Variants in CFAP221 observed in about 807,000 individuals in gnomAD.
The protein encoded by CFAP221 is cilia and flagella associated protein 221, also known as cilia- and flagella-associated protein 221.
CFAP221 carries 97 observed loss-of-function variants against 113.1 expected under a neutral mutation model. The ratio of observed to expected loss-of-function variants is 0.86; its 90% CI spans 0.73 to 1.02. CFAP221 has a LOEUF of 1.02. Among genes scored for constraint, CFAP221 ranks in the 50% least tolerant of loss-of-function variants. The pLI, the probability that CFAP221 is intolerant of heterozygous loss-of-function variation, is 0.00. For missense variants in CFAP221, 1,025 were observed against 1,013.4 expected, an observed-to-expected ratio of 1.01 and a Z score of -0.16; for synonymous variants, 331 against 354.4, an observed-to-expected ratio of 0.93 and a Z score of 0.74.
chr2:119,620,822 A>T (rs1387781561), intron 14 of CFAP221, among the ~76,000 whole-genome samples: 1 of 152,162 alleles, frequency 6.6e-6, no homozygotes, highest in East Asian at 1.9e-4. Flanking sequence ...GTCAAGACCC[A>T]TCAGTGTGGC....
chr2:119,584,067 T>C (rs1472388587), intron 6 of CFAP221, among the ~76,000 whole-genome samples: 2 of 152,198 alleles, frequency 1.3e-5, no homozygotes, highest in Admixed American at 1.3e-4. Flanking sequence ...GAGACACTTA[T>C]AAAATTTGAT....
At chr2:119,595,901 A>C (rs1449818144) in intron 7 of CFAP221, among the ~76,000 whole-genome samples, 1 of 151,836 alleles carries the variant, frequency 6.6e-6, no homozygotes, top group Non-Finnish European at 1.5e-5. Flanking sequence ...AGAGGAAGCA[A>C]CCCACACAGG....
intron 6 of CFAP221, among the ~76,000 whole-genome samples, chr2:119,585,583 G>T (rs560165736): frequency 6.6e-6 from 1 of 152,016 alleles, no homozygotes; most frequent in Non-Finnish European, 1.5e-5. Flanking sequence ...TAAAGGGGTC[G>T]TTATTTTATT....
At chr2:119,628,291 G>GT (rs1558976717) in intron 16 of CFAP221, among the ~76,000 whole-genome samples, 58 of 13,660 alleles carry the variant, frequency 4.2e-3, no homozygotes, top group African/African-American at 5.8e-3. Flanking sequence ...TCTCTCTCTG[G>GT]GGGGTGTGTG....
intron 19 of CFAP221, among the ~76,000 whole-genome samples, chr2:119,637,130 G>A (rs1687164400): frequency 6.6e-6 from 1 of 152,192 alleles, no homozygotes; most frequent in South Asian, 2.1e-4. Flanking sequence ...GCTTACCAAG[G>A]TGTATGCTTG....
chr2:119,584,217 A>G (rs984268487), intron 6 of CFAP221, among the ~76,000 whole-genome samples: 5 of 152,240 alleles, frequency 3.3e-5, no homozygotes, highest in Admixed American at 6.5e-5. Flanking sequence ...AAAAAACACC[A>G]TAAATAAATC....
At chr2:119,548,027 A>C (rs1416682199) in intron 2 of CFAP221, among the ~76,000 whole-genome samples, 1 of 152,120 alleles carries the variant, frequency 6.6e-6, no homozygotes, top group Non-Finnish European at 1.5e-5. Context: ...GCAGTGGTAC[A>C]ATCACAGCTC....
intron 7 of CFAP221, among the ~76,000 whole-genome samples, chr2:119,593,559 G>T (rs569694201): frequency 6.6e-6 from 1 of 152,258 alleles, no homozygotes; most frequent in Non-Finnish European, 1.5e-5. Flanking sequence ...AGCTCTCTTG[G>T]CCGGGCATGG....
intron 8 of CFAP221, 29 bp downstream of exon 8, chr2:119,601,406 A>G: frequency 6.1e-6 from 9 of 1,473,752 alleles, no homozygotes; most frequent in Non-Finnish European, 8.1e-6. Context: ...GTTTTTGTTT[A>G]TTTTTAACCC....
chr2:119,566,459 G>T (rs1277956749), intron 6 of CFAP221, among the ~76,000 whole-genome samples: 2 of 152,070 alleles, frequency 1.3e-5, no homozygotes, highest in Non-Finnish European at 2.9e-5. Flanking sequence ...ATTTTTGTTC[G>T]TGTCACAGCA....
chr2:119,586,578 T>C (rs1257880978), intron 6 of CFAP221: 1 of 152,306 alleles, frequency 6.6e-6, no homozygotes, highest in Non-Finnish European at 1.5e-5. Flanking sequence ...CTAGCTTATT[T>C]CAATCAAACA....
At chr2:119,591,862 G>C (rs1683622009) in intron 7 of CFAP221, among the ~76,000 whole-genome samples, 1 of 152,092 alleles carries the variant, frequency 6.6e-6, no homozygotes, top group African/African-American at 2.4e-5. Flanking sequence ...CACTGGTCTG[G>C]GGTAGGTGCT....
chr2:119,588,475 T>A (rs1444805973), intron 7 of CFAP221, among the ~76,000 whole-genome samples: 1 of 152,224 alleles, frequency 6.6e-6, no homozygotes, highest in Non-Finnish European at 1.5e-5. Flanking sequence ...ACTCAGAATA[T>A]TAATTTACCC....
intron 6 of CFAP221, among the ~76,000 whole-genome samples, chr2:119,563,119 A>C (rs1681373509): frequency 6.6e-6 from 1 of 152,120 alleles, no homozygotes; most frequent in Admixed American, 6.6e-5. Context: ...ACACCACTAC[A>C]CTCCAGCCTG....
chr2:119,568,958 A>G lies in CFAP221; in HGVS notation c.527+6844A>G, dbSNP rs191526685. ...TATTTCCCCTTCACTTTTGAAGGAT[A>G]ATTTCACAGGGCACAGAATTCTGAG... On this transcript the variant is annotated intron_variant, in intron 6 of 23. Transcript: ENST00000413369. Among the ~76,000 whole-genome samples, 180 of 152,204 alleles carry G rather than the reference A, an allele frequency of 1.2e-3. 1 individual carries two copies. Among genetic ancestry groups the G allele is most frequent in the East Asian group, 0.01 (52 of 5,172 alleles).
At chr2:119,646,111 C>G (rs116354057) in intron 21 of CFAP221, among the ~76,000 whole-genome samples, 4,214 of 152,078 alleles carry the variant, frequency 0.028, 73 homozygotes, top group Non-Finnish European at 0.041. Context: ...ATATAAAGCT[C>G]TAAAGTTATA....
At chr2:119,648,183 C>T (rs947438237) in intron 22 of CFAP221, among the ~76,000 whole-genome samples, 1 of 152,184 alleles carries the variant, frequency 6.6e-6, no homozygotes, top group Non-Finnish European at 1.5e-5. Flanking sequence ...CCTGGTATTC[C>T]AAACCCCTAG....
At chr2:119,575,427 T>G (rs1174369292) in intron 6 of CFAP221, among the ~76,000 whole-genome samples, 1 of 152,198 alleles carries the variant, frequency 6.6e-6, no homozygotes, top group Admixed American at 6.5e-5. Context: ...TGCAAAGAGC[T>G]ATTGTCAAAT....
chr2:119,630,314 C>G (rs1686677233), intron 17 of CFAP221, among the ~76,000 whole-genome samples: 1 of 152,178 alleles, frequency 6.6e-6, no homozygotes, highest in South Asian at 2.1e-4. Flanking sequence ...TTTTGGTGTG[C>G]TTCTACACTT....
Sources: gnomAD v4.1 joint callset for allele counts (sites outside exome capture counted in the v4.1 genomes callset) on GRCh38, gnomAD v4.1.1 for gene constraint, MANE v1.5 for transcripts, NCBI Gene and HGNC (gene_info 2026-07-23, HGNC 2026-07-21) for gene names.